CELF2: variants seen among roughly 807,000 people sequenced by gnomAD.
CELF2 encodes CUGBP Elav-like family member 2, also known as CUG triplet repeat RNA-binding protein 2.
CELF2 carries 8 observed loss-of-function variants against 62.6 expected under a neutral mutation model. The ratio of observed to expected loss-of-function variants is 0.13; its 90% CI spans 0.07 to 0.23. The LOEUF is 0.23. Ranked by LOEUF, CELF2 falls within the 10% of genes least tolerant of loss-of-function variation. The probability of loss-of-function intolerance (pLI) is 1.00; values close to 1 mark genes in which losing one functional copy is unlikely to be tolerated. For missense variants in CELF2, 333 were observed against 671.0 expected (o/e 0.50, Z 5.56); for synonymous variants, 258 against 250.0 (o/e 1.03, Z -0.30).
At chr10:11,087,052 C>G (rs2047004598) in intron 1 of CELF2, among the ~76,000 whole-genome samples, 1 of 152,134 alleles carries the variant, frequency 6.6e-6, no homozygotes, top group Non-Finnish European at 1.5e-5. Flanking sequence ...ACAGAATTGT[C>G]TAGTTCCAGT....
chr10:10,636,814 G>A, the CELF2 span, among the ~76,000 whole-genome samples: 1 of 152,014 alleles, frequency 6.6e-6, no homozygotes, highest in East Asian at 1.9e-4. Context: ...GAAGGGGAGG[G>A]GTTCACCAAG....
chr10:10,533,896 G>T, the CELF2 span, among the ~76,000 whole-genome samples: 1 of 152,104 alleles, frequency 6.6e-6, no homozygotes, highest in Non-Finnish European at 1.5e-5. Context: ...TTGAATTTCT[G>T]AAATTAAATG....
At chr10:11,173,336 C>T (rs765746192) in intron 2 of CELF2, among the ~76,000 whole-genome samples, 3 of 152,210 alleles carry the variant, frequency 2.0e-5, no homozygotes, top group South Asian at 2.1e-4. Context: ...GCGTGACCTA[C>T]CTGCCTTTCC....
chr10:10,846,640 A>G (rs962356965), intron 1 of CELF2, among the ~76,000 whole-genome samples: 2 of 152,302 alleles, frequency 1.3e-5, no homozygotes, highest in African/African-American at 4.8e-5. Context: ...ACGCAAAGCC[A>G]ATGTGAAGCA....
intron 7 of CELF2, among the ~76,000 whole-genome samples, chr10:11,272,023 C>G (rs1193135167): frequency 6.6e-6 from 1 of 152,200 alleles, no homozygotes; most frequent in African/African-American, 2.4e-5. Context: ...TTTGAGGACT[C>G]CGGGTGCTGC....
At chr10:11,183,722 G>T (rs1200580525) in intron 2 of CELF2, among the ~76,000 whole-genome samples, 7 of 152,130 alleles carry the variant, frequency 4.6e-5, no homozygotes, top group Non-Finnish European at 8.8e-5. Context: ...TGATATGTTT[G>T]ATTCGTGTAT....
chr10:11,083,309 CAA>C (rs1303632146), intron 1 of CELF2, among the ~76,000 whole-genome samples: 3 of 152,270 alleles, frequency 2.0e-5, no homozygotes, highest in East Asian at 3.9e-4. Context: ...TAATAGGAAA[CAA>C]ATGTGTATTT....
Position 11,285,180 on chromosome 10 carries a change from T to C in CELF2, c.842-3238T>C, listed in dbSNP as rs1565769902. Reference sequence around the variant, plus strand: ...GGGCAGATAGATGGACGAGCAAATATGGATCCGCCTCCTTGATTGGTTCTG... The same window carrying C: ...GGGCAGATAGATGGACGAGCAAATACGGATCCGCCTCCTTGATTGGTTCTG... On this transcript the variant is annotated intron_variant, in intron 8 of 12. Transcript: ENST00000633077. This position sits in a 1 kb window ranked among gnomAD's most constrained non-coding sequence, Gnocchi z 4.3. Among the ~76,000 whole-genome samples, 1 of 151,966 alleles carries C rather than the reference T, an allele frequency of 6.6e-6. No individual in the cohort carries two copies. Among genetic ancestry groups the C allele is most frequent in the Non-Finnish European group, 1.5e-5 (1 of 67,952 alleles).
At chr10:11,116,637 G>A (rs900521828) in intron 1 of CELF2, among the ~76,000 whole-genome samples, 2 of 152,208 alleles carry the variant, frequency 1.3e-5, no homozygotes, top group African/African-American at 4.8e-5. Context: ...AGCGAAGTTG[G>A]TTGGATGTCC....
Position 11,005,342 on chromosome 10 carries a change from A to T in CELF2, c.-46A>T. 6.2e-7 allele frequency: 1 copy of T among 1,611,596 alleles called. No homozygotes were observed. The highest frequency in any genetic ancestry group is 1.1e-5 in the South Asian group (1 of 90,962). On this transcript the variant is annotated 5_prime_UTR_variant, in exon 1 of 13. Coordinates refer to the CELF2 transcript ENST00000416382. This position sits in a 1 kb window ranked among gnomAD's most constrained non-coding sequence, Gnocchi z 4.3. ...GCAGCGACTGTGGCATTGATGTTTG[A>T]GCATACTTCTGAACTGGCTTTTGTT...
rs1305704013 is a variant in CELF2 at position 11,320,353 on chromosome 10, C to T, written c.1097-836C>T. Among the ~76,000 whole-genome samples, 8 of 152,192 alleles carry T rather than the reference C, an allele frequency of 5.3e-5. No individual in the cohort carries two copies. The East Asian group carries it at 1.2e-3, about 22-fold the overall frequency. On this transcript the variant is annotated intron_variant, in intron 10 of 12. Transcript: ENST00000633077. Reference sequence around the variant, plus strand: ...CAGCCCATAGACACACCTCTGTCTCCGGCTGACTGAAAAACATGACCTGGA... The same window carrying T: ...CAGCCCATAGACACACCTCTGTCTCTGGCTGACTGAAAAACATGACCTGGA...
chr10:10,981,120 G>T (rs936851056), intron 2 of CELF2, among the ~76,000 whole-genome samples: 1 of 152,160 alleles, frequency 6.6e-6, no homozygotes, highest in Non-Finnish European at 1.5e-5. Context: ...TATAGAGTAG[G>T]TGCCCAATAA....
chr10:10,506,670 A>ATTTTTT, the CELF2 span, among the ~76,000 whole-genome samples: 1,184 of 64,552 alleles, frequency 0.018, 341 homozygotes, highest in East Asian at 0.066. Flanking sequence ...CCTCCTGTGA[A>ATTTTTT]TTTTTTTTTT....
chr10:10,510,506 AAG>A, the CELF2 span, among the ~76,000 whole-genome samples: 1 of 152,198 alleles, frequency 6.6e-6, no homozygotes, highest in African/African-American at 2.4e-5. Context: ...ATATCACCCC[AAG>A]TAATATTTCA....
At chr10:11,184,152 T>C (rs1321128307) in intron 2 of CELF2, among the ~76,000 whole-genome samples, 1 of 152,238 alleles carries the variant, frequency 6.6e-6, no homozygotes, top group Non-Finnish European at 1.5e-5. Context: ...TCCAGCACTA[T>C]TTGTCCTTTC....
the CELF2 span, among the ~76,000 whole-genome samples, chr10:10,791,510 G>T: frequency 1.3e-5 from 2 of 151,648 alleles, no homozygotes; most frequent in Non-Finnish European, 2.9e-5. Context: ...GGCATCAGGT[G>T]ACTACTGAGA....
At chr10:10,596,619 C>A in the CELF2 span, among the ~76,000 whole-genome samples, 8 of 152,198 alleles carry the variant, frequency 5.3e-5, no homozygotes, top group African/African-American at 1.7e-4. Flanking sequence ...AAACACTGAA[C>A]AACCTCCTGC....
chr10:11,175,062 G>GCC lies in CELF2; in HGVS notation c.271+9386_271+9387dup, dbSNP rs10629889. ...GCTAGTATTAACATGTTTAAAGTCT[G>GCC]CCCCCCCGCCCCAAATGCTAAACGT... On this transcript the variant is annotated intron_variant, in intron 2 of 12. Coordinates refer to ENST00000633077, the MANE Select transcript of CELF2 (RefSeq NM_001326342.2). Among the ~76,000 whole-genome samples the GCC allele has an allele frequency of 9.4e-3, 1,347 of 143,142 alleles. 22 individuals are homozygous for GCC. The highest frequency in any genetic ancestry group is 0.033 in the African/African-American group (1,279 of 39,254). 93.9% of individuals were successfully genotyped at this position (143,142 alleles called of 152,430 possible).
At chr10:10,580,042 C>T in the CELF2 span, among the ~76,000 whole-genome samples, 4,214 of 152,226 alleles carry the variant, frequency 0.028, 111 homozygotes, top group East Asian at 0.1. Context: ...AAATTATCTT[C>T]TCCTTCTACA....
Sources: gnomAD v4.1 joint callset for allele counts (sites outside exome capture counted in the v4.1 genomes callset) on GRCh38, gnomAD v4.1.1 for gene constraint, Gnocchi (gnomAD v3.1) non-coding constraint, MANE v1.5 for transcripts, NCBI Gene and HGNC (gene_info 2026-07-23, HGNC 2026-07-21) for gene names.